MMP12: variants seen among roughly 807,000 people sequenced by gnomAD.
MMP12 encodes macrophage metalloelastase.
Under a neutral mutation model 45.2 loss-of-function variants are expected in MMP12, and 51 were observed. That is an observed-to-expected ratio of 1.13 (90% CI 0.90 to 1.42). The LOEUF is 1.42. Among genes scored for constraint, MMP12 ranks in the 40% most tolerant of loss-of-function variants. The pLI is 0.00. For synonymous variants in MMP12, 210 were observed against 193.3 expected, an observed-to-expected ratio of 1.09 and a Z score of -0.72; for missense variants, 530 against 570.8, an observed-to-expected ratio of 0.93 and a Z score of 0.73.
rs1555009350 is a variant in MMP12, at chr11:102,871,647, A to G, written c.572T>C (p.Ile191Thr). 3.2e-6 allele frequency: 5 copies of G among 1,582,252 alleles called. No homozygotes were observed. Among genetic ancestry groups the G allele is most frequent in the Admixed American group, 1.8e-5 (1 of 54,812 alleles). Residue 191 changes from isoleucine to threonine, a missense_variant, in exon 4 of 10, where the codon ATT (isoleucine) becomes ACT (threonine). Physicochemically the swap from Ile to Thr is moderately conservative, Grantham distance 89. Coordinates refer to ENST00000571244, the MANE Select transcript of MMP12 (RefSeq NM_002426.6). ...LAHAFGPGSG[I>T]GGDAHFDEDE... ...CTCATCGAAATGTGCATCCCCTCCAATGCCAGATCCAGGTCCAAAAGCATG... is the reference window on the plus strand; with the variant it reads ...CTCATCGAAATGTGCATCCCCTCCAGTGCCAGATCCAGGTCCAAAAGCATG...
In MMP12 at chr11:102,873,095, A is replaced by G. The variant is rs1284341220; in HGVS notation, c.120T>C (p.Phe40=). ...GAAGTTTGTTTATCTCAAGGCCATA[A>G]AATTTTTCTAAGTATCTCTGGAAAA... ...VLFGERYLEK[F]YGLEINKLPV... Residue 40 remains phenylalanine (F), a synonymous_variant, in exon 2 of 10, where the codon TTT becomes TTC. Transcript: ENST00000571244. 2 of 1,612,026 alleles carry G rather than the reference A, an allele frequency of 1.2e-6. No homozygotes were observed. The highest frequency in any genetic ancestry group is 1.7e-6 in the Non-Finnish European group (2 of 1,179,110).
intron 7 of MMP12, 108 bp downstream of exon 7, chr11:102,866,207 A>C (rs545294125): frequency 4.3e-6 from 5 of 1,154,416 alleles, no homozygotes; most frequent in African/African-American, 3.1e-5. Context: ...CTATTAATAA[A>C]ATCAAGAGTG....
At chr11:102,864,836 T>C (rs1859357263) in intron 8 of MMP12, among the ~76,000 whole-genome samples, 1 of 152,266 alleles carries the variant, frequency 6.6e-6, no homozygotes, top group South Asian at 2.1e-4. Context: ...TGTTATCTTG[T>C]GTTTATCAAT....
chr11:102,869,890 G>T (rs1352025587), intron 4 of MMP12, among the ~76,000 whole-genome samples: 2 of 152,182 alleles, frequency 1.3e-5, no homozygotes, highest in African/African-American at 4.8e-5. Context: ...CTGCACTCCA[G>T]CCTGGGCAAC....
Position 102,868,055 on chromosome 11 carries a change from G to A in MMP12, c.640C>T (p.Leu214Phe). Residue 214 changes from leucine (L) to phenylalanine (F), a missense_variant, in exon 5 of 10, where the codon CTC becomes TTC. Leu to Phe is a conservative substitution (Grantham distance 22, BLOSUM62 0). Transcript: ENST00000571244. ...TTHSGGTNLF[L>F]TAVHEIGHSL... is the part of the protein sequence containing the mutation. ...TGGCCAATCTCGTGAACAGCAGTGA[G>A]GAACAAGTTTGTGCCTAAGAAGAAA... The A allele has an allele frequency of 6.3e-7, 1 of 1,596,998 alleles. No homozygotes were observed. The highest frequency in any genetic ancestry group is 8.5e-7 in the Non-Finnish European group (1 of 1,171,554).
chr11:102,867,844 A>T, intron 5 of MMP12, 64 bp downstream of exon 5: 1 of 1,470,542 alleles, frequency 6.8e-7, no homozygotes, highest in Non-Finnish European at 9.3e-7. Flanking sequence ...AAATATAGAT[A>T]TTGTTAGACT....
rs1246625736 is a variant in MMP12 at position 102,866,277 on chromosome 11, G to A, written c.1045+38C>T. The A allele has an allele frequency of 1.0e-5, 16 of 1,527,806 alleles. No homozygotes were observed. In the Admixed American group the frequency reaches 1.1e-4, roughly 10 times the overall value. The allele number at this position is 1,527,806 out of a possible 1,614,324, so 94.6% of individuals were successfully genotyped here. On this transcript the variant is annotated intron_variant, in intron 7 of 9. Transcript: ENST00000571244. ...CTCTTCTCAATTTATTCTCTTCCTT[G>A]AAGTAAACTCAATGGCAAAACTAAA...
Position 102,867,358 on chromosome 11 carries a change from C to A in MMP12, c.823G>T (p.Asp275Tyr). ...TCACAGAGAGCTGGTTCTGAATTGT[C>A]AGGATTTGGCAAGCGTTGGTTCTCT... ...PKENQRLPNPDNSEPALCDPN... is the reference protein window; with the variant it reads ...PKENQRLPNPYNSEPALCDPN... The change falls in exon 6 of 10, where the codon GAC (aspartate) becomes TAC (tyrosine). Residue 275 changes from aspartate (D) to tyrosine (Y), a missense_variant. Physicochemically the swap from Asp to Tyr is radical, Grantham distance 160 (BLOSUM62 -3). Transcript: ENST00000571244. 6.2e-7 allele frequency: 1 copy of A among 1,611,348 alleles called. No homozygotes were observed.
chr11:102,869,682 A>G (rs1859456997), intron 4 of MMP12, among the ~76,000 whole-genome samples: 1 of 151,912 alleles, frequency 6.6e-6, no homozygotes, highest in Admixed American at 6.6e-5. Flanking sequence ...AGACCAAGGC[A>G]GGCGGATCAC....
chr11:102,870,941 T>G (rs1859482369), intron 4 of MMP12, among the ~76,000 whole-genome samples: 2 of 152,212 alleles, frequency 1.3e-5, no homozygotes, highest in African/African-American at 4.8e-5. Context: ...AATTAGTATG[T>G]GTTTGCTTTT....
Position 102,871,629 on chromosome 11 carries a change from A to G in MMP12, c.590T>C (p.Phe197Ser). The G allele has an allele frequency of 6.4e-7, 1 of 1,566,280 alleles. No homozygotes were observed. The highest frequency in any genetic ancestry group is 1.2e-5 in the South Asian group (1 of 85,314). Residue 197 changes from phenylalanine to serine, a missense_variant, in exon 4 of 10, where the codon TTC (phenylalanine) becomes TCC (serine). Coordinates refer to ENST00000571244, the MANE Select transcript of MMP12 (RefSeq NM_002426.6). ...PGSGIGGDAHFDEDEFWTTHS... is the reference protein window; with the variant it reads ...PGSGIGGDAHSDEDEFWTTHS... ...TGTAGTCCAGAATTCGTCCTCATCG[A>G]AATGTGCATCCCCTCCAATGCCAGA...
At chr11:102,864,954 G>T (rs891691992) in intron 8 of MMP12, among the ~76,000 whole-genome samples, 1 of 152,188 alleles carries the variant, frequency 6.6e-6, no homozygotes, top group Non-Finnish European at 1.5e-5. Flanking sequence ...ACTGTTCAGA[G>T]TTGAAATGCC....
chr11:102,873,770 G>A (rs142671122), intron 1 of MMP12, among the ~76,000 whole-genome samples: 6 of 151,992 alleles, frequency 3.9e-5, no homozygotes, highest in East Asian at 3.9e-4. Context: ...GGTGCATACC[G>A]GTAATCCCAG....
rs28360365 is a variant in MMP12, at chr11:102,872,097, A to G, written c.351-145T>C. On this transcript the variant is annotated intron_variant, in intron 2 of 9. Transcript: ENST00000571244. ...GATTTTAAAACTTGCTTCATTAACT[A>G]CAGAAACATTTTTTCTTGGACAGCC... 1.7e-3 allele frequency: 1,624 copies of G among 941,674 alleles called. 21 individuals are homozygous for G. In the African/African-American group the frequency reaches 0.023, roughly 14 times the overall value. 58.3% of individuals were successfully genotyped at this position (941,674 alleles called of 1,614,324 possible).
intron 5 of MMP12, among the ~76,000 whole-genome samples, 177 bp downstream of exon 5, chr11:102,867,731 T>C (rs28381680): frequency 6.6e-6 from 1 of 152,200 alleles, no homozygotes; most frequent in African/African-American, 2.4e-5. Context: ...GTTAACATAC[T>C]AGGTCTCTTG....
chr11:102,874,017 A>C (rs1859548625), intron 1 of MMP12, among the ~76,000 whole-genome samples: 1 of 146,406 alleles, frequency 6.8e-6, no homozygotes, highest in African/African-American at 2.6e-5. Context: ...TGTCAGAGTA[A>C]AACCCTGTCT....
intron 4 of MMP12, 65 bp downstream of exon 4, chr11:102,871,529 G>T (rs1859495006): frequency 2.6e-6 from 4 of 1,530,116 alleles, no homozygotes; most frequent in East Asian, 2.5e-5. Flanking sequence ...ATTTGTTAGG[G>T]TTTTTGTTGT....
At position 102,865,205 on chromosome 11, in the gene MMP12, A is replaced by G. The variant is rs1355040977; in HGVS notation, c.1205+571T>C. On this transcript the variant is annotated intron_variant, in intron 8 of 9. Transcript: ENST00000571244. The surrounding 1 kb of genome is among the most constrained non-coding windows in gnomAD (Gnocchi z 4.1). ...ATGTCTCATGTCAACCAGGCAAGCA[A>G]TCTAGGAAATGACTGGCTTACTCAG... Among the ~76,000 whole-genome samples, 1 of 152,334 alleles carries G rather than the reference A, an allele frequency of 6.6e-6. No homozygotes were observed. Among genetic ancestry groups the G allele is most frequent in the South Asian group, 2.1e-4 (1 of 4,830 alleles).
At chr11:102,870,661 A>C (rs547034291) in intron 4 of MMP12, among the ~76,000 whole-genome samples, 1 of 152,316 alleles carries the variant, frequency 6.6e-6, no homozygotes, top group South Asian at 2.1e-4. Context: ...GGGGAGTTTA[A>C]TTAACCCCAT....
Sources: gnomAD v4.1 joint callset for allele counts (sites outside exome capture counted in the v4.1 genomes callset) on GRCh38, gnomAD v4.1.1 for gene constraint, Gnocchi (gnomAD v3.1) non-coding constraint, MANE v1.5 for transcripts, NCBI Gene and HGNC (gene_info 2026-07-23, HGNC 2026-07-21) for gene names.